Variants in TSPOAP1 observed in about 807,000 individuals in gnomAD.
TSPOAP1 encodes the protein TSPO associated protein 1, also known as peripheral-type benzodiazepine receptor-associated protein 1.
In TSPOAP1, 87 loss-of-function variants were observed where a neutral mutation model predicts 197.0. The observed-to-expected ratio is 0.44, with a 90% confidence interval of 0.37 to 0.53. The LOEUF (loss-of-function observed/expected upper bound fraction) is 0.53, where lower values mean the gene tolerates loss of function less well. Among genes scored for constraint, TSPOAP1 ranks in the 20% least tolerant of loss-of-function variants. TSPOAP1 has a pLI of 0.00. For missense variants in TSPOAP1, 2,174 were observed against 2,411.3 expected, an observed-to-expected ratio of 0.90 and a Z score of 2.06; for synonymous variants, 913 against 998.9, an observed-to-expected ratio of 0.91 and a Z score of 1.62.
chr17:58,305,730 C>G, intron 27 of TSPOAP1, 87 bp from the exon 28 acceptor site: 2 of 1,497,348 alleles, frequency 1.3e-6, no homozygotes, highest in Admixed American at 1.8e-5. Context: ...TGCTGACCCC[C>G]TGTCACCACC....
Position 58,322,864 on chromosome 17 carries a change from C to A in TSPOAP1, c.1194+86G>T. On this transcript the variant is annotated intron_variant, in intron 8 of 31. Transcript: ENST00000343736. This position sits in a 1 kb window ranked among gnomAD's most constrained non-coding sequence, Gnocchi z 5.0. The stretch of plus-strand genomic sequence containing the variant: ...GGGGGAACAGTACCCTACCCCTGCT[C>A]AGGGGTGGAGGAGAAAGCCCCTTGG... The A allele has an allele frequency of 6.2e-7, 1 of 1,603,556 alleles. No homozygotes were observed. The highest frequency in any genetic ancestry group is 1.1e-5 in the South Asian group (1 of 90,112).
In TSPOAP1 at chr17:58,312,465, C is replaced by G; in HGVS notation, c.2356G>C (p.Gly786Arg). The change falls in exon 17 of 32, where the codon GGC (glycine) becomes CGC (arginine). Residue 786 changes from glycine to arginine, a missense_variant. Gly to Arg is a moderately radical substitution (Grantham distance 125). Transcript: ENST00000343736. ...GGGTAAGGCACGGCAGGAGGCTCGC[C>G]CAGGCCCTCCGGTGATGGGCTCAGA... ...LSLSPSPEGL[G>R]EPPAVPYPRR... 1 of 1,611,330 alleles carries G rather than the reference C, an allele frequency of 6.2e-7. No individual in the cohort carries two copies. Among genetic ancestry groups the G allele is most frequent in the Non-Finnish European group, 8.5e-7 (1 of 1,178,926 alleles).
At chr17:58,321,951 A>G (rs1971416138) in intron 10 of TSPOAP1, 2 of 237,760 alleles carry the variant, frequency 8.4e-6, no homozygotes, top group South Asian at 1.1e-4. Context: ...CATTGGTCTC[A>G]GGCTTCTTCA....
Position 58,309,388 on chromosome 17 carries a change from A to T in TSPOAP1, c.3892-8T>A. On this transcript the variant is annotated splice_region_variant and splice_polypyrimidine_tract_variant and intron_variant, in intron 21 of 31. Transcript: ENST00000343736. The surrounding 1 kb of genome is among the most constrained non-coding windows in gnomAD (Gnocchi z 5.0). ...AAAGGGGTCGGGCTGGGACTGGTGG[A>T]GGTGGGGAGGTGGGAGTAGAACACA... The T allele has an allele frequency of 1.3e-6, 2 of 1,599,540 alleles. No homozygotes were observed. The highest frequency in any genetic ancestry group is 1.7e-6 in the Non-Finnish European group (2 of 1,174,626).
rs1970730422 is a variant in TSPOAP1, at chr17:58,301,791, G to A, written c.*689C>T. 1.3e-5 allele frequency: 2 copies of A among 158,404 alleles called. 1 individual carries two copies. The allele number at this position is 158,404 out of a possible 1,614,324, so 9.8% of individuals were successfully genotyped here. On this transcript the variant is annotated 3_prime_UTR_variant, in exon 32 of 32. Transcript: ENST00000343736. ...GCTCCGCCCGCCTGCCCGCTGGGGA[G>A]ATGGGGCTCCAATAAAATCCAGTGC...
chr17:58,324,801 C>G lies in TSPOAP1; in HGVS notation c.942+10G>C. On this transcript the variant is annotated intron_variant, in intron 5 of 31. Transcript: ENST00000343736. The surrounding 1 kb of genome is among the most constrained non-coding windows in gnomAD (Gnocchi z 5.8). ...CGCACCCACACACCTGCCCTTGCGC[C>G]GGCGCTCACCTCTCCCGGGGCCCCG... The G allele has an allele frequency of 6.9e-7, 1 of 1,447,838 alleles. No homozygotes were observed. The highest frequency in any genetic ancestry group is 9.1e-7 in the Non-Finnish European group (1 of 1,104,768). The allele number at this position is 1,447,838 out of a possible 1,614,324, so 89.7% of individuals were successfully genotyped here.
Position 58,316,099 on chromosome 17 carries a change from T to A in TSPOAP1, c.2022A>T (p.Pro674=). The change falls in exon 16 of 32, where the codon CCA becomes CCT. Residue 674 remains proline (P), a synonymous_variant. Transcript: ENST00000343736. ...YNPFEGPNEN[P]EAELPLTAGE... ...CAGCTGTCAGCGGAAGCTCTGCTTC[T>A]GGATTCTCATTGGGACCCTCAAAGG... 1 of 1,614,172 alleles carries A rather than the reference T, an allele frequency of 6.2e-7. No individual in the cohort carries two copies. The highest frequency in any genetic ancestry group is 1.3e-5 in the African/African-American group (1 of 75,040).
rs749887704 is a variant in TSPOAP1 at position 58,319,097 on chromosome 17, G to A, written c.1692C>T (p.Gly564=). Residue 564 remains glycine, a synonymous_variant, in exon 13 of 32, where the codon GGC becomes GGT. Transcript: ENST00000343736. ...CACTGGGGTCCACCTTACCTTTGGG[G>A]CCAGACCCCCGGCAAGGCTGGGGAA... ...CSIPQPCRGS[G]PKDLDLPPGS... The A allele has an allele frequency of 1.1e-5, 17 of 1,533,542 alleles. No homozygotes were observed. In the African/African-American group the frequency reaches 1.5e-4, roughly 14 times the overall value. 95.0% of individuals were successfully genotyped at this position (1,533,542 alleles called of 1,614,324 possible).
At chr17:58,321,889 G>A (rs529124585) in intron 10 of TSPOAP1, among the ~76,000 whole-genome samples, 7 of 152,294 alleles carry the variant, frequency 4.6e-5, no homozygotes, top group Non-Finnish European at 8.8e-5. Flanking sequence ...CGACAGGATC[G>A]GGTTCTTGTC....
At chr17:58,320,281 G>A (rs1336862581) in intron 11 of TSPOAP1, 152 bp from the exon 12 acceptor site, 4 of 1,057,596 alleles carry the variant, frequency 3.8e-6, no homozygotes, top group Non-Finnish European at 5.6e-6. Context: ...GGATATCTCA[G>A]GGTGAAGGCA....
intron 29 of TSPOAP1, 59 bp from the exon 30 acceptor site, chr17:58,305,230 G>T: frequency 2.7e-6 from 4 of 1,498,190 alleles, no homozygotes; most frequent in Middle Eastern, 1.7e-4. Flanking sequence ...CCTGCCCCTC[G>T]ACTCTGATGC....
Position 58,307,625 on chromosome 17 carries a change from C to G in TSPOAP1, c.4969G>C (p.Gly1657Arg). Residue 1657 changes from glycine to arginine, a missense_variant, in exon 24 of 32, where the codon GGT (glycine) becomes CGT (arginine). This residue lies in a region of TSPOAP1 where 16 missense variants were observed against 38.8 expected (regional missense o/e 0.41). Coordinates refer to ENST00000343736, the MANE Select transcript of TSPOAP1 (RefSeq NM_004758.4). Reference sequence around the variant, plus strand: ...GAATCAGTCACCTTCAGGATCTGACCCTCTCGGAAGGGAAGCTCTTCTTCT... The same window carrying G: ...GAATCAGTCACCTTCAGGATCTGACGCTCTCGGAAGGGAAGCTCTTCTTCT... ...AGEEELPFRE[G>R]QILKVFGDKD... The G allele has an allele frequency of 6.2e-7, 1 of 1,613,898 alleles. No homozygotes were observed. Among genetic ancestry groups the G allele is most frequent in the Non-Finnish European group, 8.5e-7 (1 of 1,179,998 alleles).
At chr17:58,320,408 A>G in intron 11 of TSPOAP1, 123 bp downstream of exon 11, 2 of 1,195,894 alleles carry the variant, frequency 1.7e-6, no homozygotes, top group Non-Finnish European at 2.3e-6. Flanking sequence ...CAGGTCCTGG[A>G]GCATTTAAGG....
At position 58,306,425 on chromosome 17, in the gene TSPOAP1, A is replaced by G; in HGVS notation, c.5153-12T>C. 6.4e-7 allele frequency: 1 copy of G among 1,552,888 alleles called. No homozygotes were observed. The highest frequency in any genetic ancestry group is 1.4e-5 in the African/African-American group (1 of 73,234). On this transcript the variant is annotated splice_polypyrimidine_tract_variant and intron_variant, in intron 25 of 31. Transcript: ENST00000343736. ...AAACGGACCATTCCCTGATCCAGAA[A>G]AGCAGAGAGAAAGCGAGGCAGGGGA...
chr17:58,321,152 A>G (rs1971393826), intron 10 of TSPOAP1, among the ~76,000 whole-genome samples: 1 of 151,954 alleles, frequency 6.6e-6, no homozygotes, highest in African/African-American at 2.4e-5. Context: ...GGAACTCAGC[A>G]CTCGGGATGA....
chr17:58,316,521 A>G lies in TSPOAP1; in HGVS notation c.1892T>C (p.Val631Ala), dbSNP rs1971240726. Residue 631 changes from valine to alanine, a missense_variant, in exon 15 of 32, where the codon GTA becomes GCA. By Grantham distance (64) the Val-to-Ala change is moderately conservative. This residue lies in a region of TSPOAP1 where 1,933 missense variants were observed against 2,139.0 expected (regional missense o/e 0.90). Coordinates refer to ENST00000343736, the MANE Select transcript of TSPOAP1 (RefSeq NM_004758.4). ...GACACTGTCTGCCTCCAGCTCCTCT[A>G]CCTCACTGGCTGTGTCCACCTGGGG... is the stretch of plus-strand genomic sequence containing the variant. ...PTPEVDTASE[V>A]EELEADSVSL... 1.2e-6 allele frequency: 2 copies of G among 1,611,974 alleles called. No individual in the cohort carries two copies. The highest frequency in any genetic ancestry group is 1.7e-6 in the Non-Finnish European group (2 of 1,178,964).
intron 15 of TSPOAP1, 94 bp downstream of exon 15, chr17:58,316,331 C>A: frequency 1.6e-6 from 2 of 1,236,034 alleles, no homozygotes; most frequent in South Asian, 2.7e-5. Context: ...TGTACTGCCC[C>A]CACCACTTCC....
rs767316181 is a variant in TSPOAP1 at position 58,326,322 on chromosome 17, G to C, written c.541C>G (p.Arg181Gly). 6 of 1,614,044 alleles carry C rather than the reference G, an allele frequency of 3.7e-6. No homozygotes were observed. In the Admixed American group the frequency reaches 6.7e-5, roughly 18 times the overall value. The stretch of plus-strand genomic sequence containing the variant: ...CTCAGGTTCGTTTCCTGCAGCTTTC[G>C]GGCCCTCTCCTCCAGGCGCTTGGCA... ...VIAKRLEERA[R>G]KLQETNLRVV... The change falls in exon 3 of 32, where the codon CGA (arginine) becomes GGA (glycine). Residue 181 changes from arginine to glycine, a missense_variant. Transcript: ENST00000343736. This position sits in a 1 kb window ranked among gnomAD's most constrained non-coding sequence, Gnocchi z 4.7.
At position 58,305,117 on chromosome 17, in the gene TSPOAP1, C is replaced by G. The variant is rs770049020; in HGVS notation, c.5488G>C (p.Gly1830Arg). 3 of 1,614,038 alleles carry G rather than the reference C, an allele frequency of 1.9e-6. No individual in the cohort carries two copies. Among genetic ancestry groups the G allele is most frequent in the Non-Finnish European group, 2.5e-6 (3 of 1,179,972 alleles). Residue 1830 changes from glycine to arginine, a missense_variant, in exon 30 of 32, where the codon GGG becomes CGG. Coordinates refer to ENST00000343736, the MANE Select transcript of TSPOAP1 (RefSeq NM_004758.4). ...LVPSNFLEGP[G>R]PEAGGLDREP... ...CTGTCCAGGCCGCCTGCCTCAGGCC[C>G]AGGGCCCTCCAGGAAGTTGGATGGA...
Sources: allele counts gnomAD v4.1 joint callset (sites outside exome capture counted in the v4.1 genomes callset), GRCh38; gene constraint gnomAD v4.1.1; regional missense constraint gnomAD v4.1.1; non-coding constraint Gnocchi (gnomAD v3.1); transcripts MANE v1.5; gene names NCBI Gene and HGNC (gene_info 2026-07-23, HGNC 2026-07-21).